JAM3: variants seen among roughly 807,000 people sequenced by gnomAD.
JAM3 encodes junctional adhesion molecule C.
In JAM3, 31 loss-of-function variants were observed where a neutral mutation model predicts 39.4. The observed-to-expected ratio is 0.79, with a 90% CI of 0.59 to 1.06. The LOEUF (loss-of-function observed/expected upper bound fraction) is 1.06, where lower values mean the gene tolerates loss of function less well. Ranked by LOEUF, JAM3 falls within the 50% of genes least tolerant of loss-of-function variation. The pLI is 0.00. For synonymous variants in JAM3, 182 were observed against 148.7 expected, an observed-to-expected ratio of 1.22 and a Z score of -1.63; for missense variants, 455 against 391.4, an observed-to-expected ratio of 1.16 and a Z score of -1.37.
chr11:134,087,206 G>A (rs927697973), intron 1 of JAM3, among the ~76,000 whole-genome samples: 2 of 151,562 alleles, frequency 1.3e-5, no homozygotes, highest in African/African-American at 2.4e-5. Flanking sequence ...CAATGAAGGA[G>A]ATACACACAC....
chr11:134,131,637 A>T (rs1021094120), intron 1 of JAM3, among the ~76,000 whole-genome samples: 2 of 152,244 alleles, frequency 1.3e-5, no homozygotes, highest in African/African-American at 4.8e-5. Flanking sequence ...TATTAGCCAA[A>T]GACTATTTGT....
intron 6 of JAM3, 30 bp from the exon 7 acceptor site, chr11:134,148,517 A>G: frequency 1.2e-6 from 2 of 1,614,124 alleles, no homozygotes; most frequent in Non-Finnish European, 1.7e-6. Flanking sequence ...AGTGTGTATC[A>G]TGGCTTCCAC....
At chr11:134,146,859 G>T (rs1167398253) in intron 6 of JAM3, among the ~76,000 whole-genome samples, 1 of 152,198 alleles carries the variant, frequency 6.6e-6, no homozygotes, top group African/African-American at 2.4e-5. Flanking sequence ...GAGCCACTGT[G>T]CCCAGCCAGG....
intron 1 of JAM3, among the ~76,000 whole-genome samples, chr11:134,124,678 C>T (rs1331154449): frequency 6.6e-6 from 1 of 151,202 alleles, no homozygotes; most frequent in Non-Finnish European, 1.5e-5. Flanking sequence ...TCCTTGATGC[C>T]TAATTTTACT....
At chr11:134,139,705 C>T (rs951182115) in intron 1 of JAM3, 146 bp from the exon 2 acceptor site, 2 of 700,768 alleles carry the variant, frequency 2.9e-6, no homozygotes, top group Non-Finnish European at 5.2e-6. Context: ...ACTTGGCTTA[C>T]CTAAGAGACT....
At chr11:134,149,074 A>G in intron 8 of JAM3, 72 bp from the exon 9 acceptor site, 1 of 1,559,198 alleles carries the variant, frequency 6.4e-7, no homozygotes, top group Non-Finnish European at 8.8e-7. Context: ...AGCCCATGTT[A>G]GACTTACTCC....
At chr11:134,145,906 A>T in intron 5 of JAM3, 40 bp from the exon 6 acceptor site, 1 of 1,422,414 alleles carries the variant, frequency 7.0e-7, no homozygotes, top group South Asian at 1.1e-5. Flanking sequence ...AATCGGCCCC[A>T]TGATGGGTCC....
At chr11:134,107,682 G>C (rs1333786622) in intron 1 of JAM3, among the ~76,000 whole-genome samples, 1 of 151,948 alleles carries the variant, frequency 6.6e-6, no homozygotes, top group African/African-American at 2.4e-5. Flanking sequence ...GGGCAACATA[G>C]CAAGTCCCCA....
At chr11:134,112,921 A>G (rs1942345686) in intron 1 of JAM3, among the ~76,000 whole-genome samples, 1 of 152,178 alleles carries the variant, frequency 6.6e-6, no homozygotes, top group South Asian at 2.1e-4. Flanking sequence ...CCAAAGAGAA[A>G]GTTATATATG....
chr11:134,099,136 G>T (rs1942032515), intron 1 of JAM3, among the ~76,000 whole-genome samples: 1 of 152,130 alleles, frequency 6.6e-6, no homozygotes, highest in South Asian at 2.1e-4. Flanking sequence ...GGGGTTTCGA[G>T]GCTGCAGTGA....
rs637214 is a variant in JAM3 at position 134,093,842 on chromosome 11, T to C, written c.76+24683T>C. On this transcript the variant is annotated intron_variant, in intron 1 of 8. Transcript: ENST00000299106. Reference sequence around the variant, plus strand: ...CTTACATCTTATTCATCATGTTCCATCTTACATGTCACTTCCTGAGGGAAG... The same window carrying C: ...CTTACATCTTATTCATCATGTTCCACCTTACATGTCACTTCCTGAGGGAAG... Among the ~76,000 whole-genome samples, 73 of 52,560 alleles carry C rather than the reference T, an allele frequency of 1.4e-3. 2 individuals are homozygous for C. The highest frequency in any genetic ancestry group is 5.1e-3 in the African/African-American group (34 of 6,698). The allele number at this position is 52,560 out of a possible 152,430, so 34.5% of individuals were successfully genotyped here. A position where few individuals can be genotyped will look rare whatever the true frequency, so the allele number is the denominator to read the frequency against.
chr11:134,149,097 G>A, intron 8 of JAM3, 49 bp from the exon 9 acceptor site: 1 of 1,611,840 alleles, frequency 6.2e-7, no homozygotes, highest in Non-Finnish European at 8.5e-7. Context: ...GTTTTTCCCT[G>A]CTTGCCACCA....
At chr11:134,079,385 C>T (rs1436966233) in intron 1 of JAM3, among the ~76,000 whole-genome samples, 1 of 152,190 alleles carries the variant, frequency 6.6e-6, no homozygotes, top group Non-Finnish European at 1.5e-5. Flanking sequence ...CTTTACCGAG[C>T]TTTCCAGCTG....
At chr11:134,084,437 T>C (rs1941714633) in intron 1 of JAM3, among the ~76,000 whole-genome samples, 5 of 152,254 alleles carry the variant, frequency 3.3e-5, no homozygotes, top group Non-Finnish European at 7.3e-5. Flanking sequence ...TTTTACAAAA[T>C]ACTGACTATA....
At chr11:134,110,290 GTTA>G (rs939010563) in intron 1 of JAM3, among the ~76,000 whole-genome samples, 45 of 152,152 alleles carry the variant, frequency 3.0e-4, no homozygotes, top group African/African-American at 9.4e-4. Context: ...ATTTGATTCA[GTTA>G]TTATACTCCC....
chr11:134,099,955 A>G (rs1942045726), intron 1 of JAM3, among the ~76,000 whole-genome samples: 1 of 151,800 alleles, frequency 6.6e-6, no homozygotes, highest in African/African-American at 2.4e-5. Context: ...CTCAGTGGAG[A>G]TTTTCCAATA....
intron 1 of JAM3, among the ~76,000 whole-genome samples, chr11:134,121,959 T>TG (rs1942542732): frequency 6.6e-6 from 1 of 152,232 alleles, no homozygotes; most frequent in African/African-American, 2.4e-5. Context: ...GCACGTGTGC[T>TG]GTTTTGATCT....
chr11:134,106,134 C>G (rs1942180751), intron 1 of JAM3, among the ~76,000 whole-genome samples: 1 of 152,338 alleles, frequency 6.6e-6, no homozygotes, highest in East Asian at 1.9e-4. Context: ...CAGCATGGTA[C>G]TGGTACCAAA....
Position 134,135,633 on chromosome 11 carries a change from G to T in JAM3, c.77-4218G>T, listed in dbSNP as rs149824259. ...GCTCACTGTAACCCCCACCTCCTGG[G>T]TTCAAGTGATTCTCCTGTGTCAGCC... is the stretch of plus-strand genomic sequence containing the variant. On this transcript the variant is annotated intron_variant, in intron 1 of 8. Transcript: ENST00000299106. Among the ~76,000 whole-genome samples the T allele has an allele frequency of 7.2e-3, 1,096 of 151,828 alleles. 9 individuals carry two copies. The highest frequency in any genetic ancestry group is 0.025 in the African/African-American group (1,030 of 41,388).
Sources: gnomAD v4.1 joint callset for allele counts (sites outside exome capture counted in the v4.1 genomes callset) on GRCh38, gnomAD v4.1.1 for gene constraint, MANE v1.5 for transcripts, NCBI Gene and HGNC (gene_info 2026-07-23, HGNC 2026-07-21) for gene names.